Variants in FOXP2 observed in about 807,000 individuals in gnomAD.
The protein encoded by FOXP2 is forkhead box protein P2.
In FOXP2, 12 loss-of-function variants were observed where a neutral mutation model predicts 115.8. That is an observed-to-expected ratio of 0.10 (90% CI 0.07 to 0.17). FOXP2 has a LOEUF of 0.17. Ranked by LOEUF, FOXP2 falls within the 10% of genes least tolerant of loss-of-function variation. The probability of loss-of-function intolerance (pLI) is 1.00; values close to 1 mark genes in which losing one functional copy is unlikely to be tolerated. For synonymous variants in FOXP2, 328 were observed against 297.7 expected, an observed-to-expected ratio of 1.10 and a Z score of -1.05; for missense variants, 629 against 843.5, an observed-to-expected ratio of 0.75 and a Z score of 3.15.
In FOXP2 at chr7:114,654,098, ATGAG is replaced by A. The variant is rs1463749318; in HGVS notation, c.1266+92_1266+95del. 1.1e-5 allele frequency: 17 copies of A among 1,600,536 alleles called. No homozygotes were observed. In the African/African-American group the frequency reaches 2.1e-4, roughly 20 times the overall value. On this transcript the variant is annotated intron_variant, in intron 10 of 16. Coordinates refer to ENST00000350908, the MANE Select transcript of FOXP2 (RefSeq NM_014491.4). The stretch of plus-strand genomic sequence containing the variant: ...ACAATTTAGTGACAGTTAGAAAACA[ATGAG>A]TGTGATGAAAAATACGGCAATAAAA...
chr7:114,433,540 C>T (rs1226510596), intron 2 of FOXP2, among the ~76,000 whole-genome samples: 1 of 151,820 alleles, frequency 6.6e-6, no homozygotes, highest in African/African-American at 2.4e-5. Context: ...TATTGATTCA[C>T]TTCTACAGAT....
At chr7:114,603,182 G>T (rs892049127) in intron 3 of FOXP2, among the ~76,000 whole-genome samples, 5 of 152,148 alleles carry the variant, frequency 3.3e-5, no homozygotes, top group African/African-American at 9.7e-5. Context: ...GGTCATCAAA[G>T]TTGAGGCTCA....
chr7:114,212,558 G>GA (rs571399578), intron 1 of FOXP2, among the ~76,000 whole-genome samples: 323 of 139,638 alleles, frequency 2.3e-3, no homozygotes, highest in Middle Eastern at 3.5e-3. Flanking sequence ...TGCTGAAAAA[G>GA]AAAAAAAAAA....
chr7:114,423,947 C>T (rs1009285977), intron 1 of FOXP2, among the ~76,000 whole-genome samples: 1 of 151,420 alleles, frequency 6.6e-6, no homozygotes, highest in Non-Finnish European at 1.5e-5. Context: ...AGATACTCCT[C>T]TTTTGTAGAG....
chr7:114,619,786 A>T (rs901494959), intron 3 of FOXP2, among the ~76,000 whole-genome samples: 5 of 152,092 alleles, frequency 3.3e-5, no homozygotes, highest in African/African-American at 1.2e-4. Flanking sequence ...AATATGAGTT[A>T]TATTATTATC....
At chr7:114,292,813 A>T (rs754563281) in intron 2 of FOXP2, among the ~76,000 whole-genome samples, 1 of 152,236 alleles carries the variant, frequency 6.6e-6, no homozygotes, top group Admixed American at 6.5e-5. Context: ...AATGTTGCAT[A>T]TAATAGTATC....
At chr7:114,289,793 A>G (rs963210243) in intron 2 of FOXP2, among the ~76,000 whole-genome samples, 1 of 152,006 alleles carries the variant, frequency 6.6e-6, no homozygotes, top group Non-Finnish European at 1.5e-5. Context: ...CACTAACCAC[A>G]TATTGGTGTA....
chr7:114,511,364 A>G (rs77920599), intron 2 of FOXP2, among the ~76,000 whole-genome samples: 12,840 of 152,270 alleles, frequency 0.084, 608 homozygotes, highest in Middle Eastern at 0.16. Context: ...TAATTAAAAA[A>G]CAAAAAGTAT....
chr7:114,693,141 A>G lies in FOXP2; in HGVS notation c.*3215A>G, dbSNP rs764758051. The G allele has an allele frequency of 4.4e-6, 2 of 453,858 alleles. No homozygotes were observed. Among genetic ancestry groups the G allele is most frequent in the South Asian group, 1.6e-5 (1 of 64,442 alleles). The allele number at this position is 453,858 out of a possible 1,614,324, so 28.1% of individuals were successfully genotyped here. Reference sequence around the variant, plus strand: ...GTTGGATTCGTGGCACAGTTGTACTATTTGAAAATCAATTAAAATTTTATG... The same window carrying G: ...GTTGGATTCGTGGCACAGTTGTACTGTTTGAAAATCAATTAAAATTTTATG... On this transcript the variant is annotated 3_prime_UTR_variant, in exon 17 of 17. Transcript: ENST00000350908.
At chr7:114,574,915 T>G (rs566472693) in intron 3 of FOXP2, among the ~76,000 whole-genome samples, 57 of 152,034 alleles carry the variant, frequency 3.7e-4, no homozygotes, top group African/African-American at 1.2e-3. Context: ...TCAAATTAAA[T>G]TACACTGGCC....
intron 1 of FOXP2, among the ~76,000 whole-genome samples, chr7:114,204,075 C>G (rs1180816629): frequency 6.6e-6 from 1 of 151,978 alleles, no homozygotes; most frequent in Non-Finnish European, 1.5e-5. Context: ...GCTTCTTCTT[C>G]TGAGGCATCT....
At chr7:114,353,334 CTTTTTTT>C (rs138925770) in intron 2 of FOXP2, among the ~76,000 whole-genome samples, 16 of 64,124 alleles carry the variant, frequency 2.5e-4, no homozygotes, top group African/African-American at 8.3e-4. Context: ...ATAGGAGCCT[CTTTTTTT>C]TTTTTTTTTT....
In FOXP2 at chr7:114,545,334, A is replaced by G. The variant is rs1025153337; in HGVS notation, c.258+10628A>G. Among the ~76,000 whole-genome samples, 4 of 152,274 alleles carry G rather than the reference A, an allele frequency of 2.6e-5. 1 individual carries two copies. In the South Asian group the frequency reaches 8.3e-4, roughly 32 times the overall value. On this transcript the variant is annotated intron_variant, in intron 3 of 16. Transcript: ENST00000350908. ...GTTTGTTTATATATTTATTGTCTAA[A>G]TCTGAACTAATTAAAAAGGATTCTG... is the stretch of plus-strand genomic sequence containing the variant.
chr7:114,390,522 G>GTATGTATGTATGTATT (rs1554382697), intron 2 of FOXP2, among the ~76,000 whole-genome samples: 45 of 148,366 alleles, frequency 3.0e-4, no homozygotes, highest in African/African-American at 1.1e-3. Context: ...TTTTATTTAT[G>GTATGTATGTATGTATT]TATTTATTTA....
intron 1 of FOXP2, among the ~76,000 whole-genome samples, chr7:114,129,751 G>T (rs1314985512): frequency 6.6e-6 from 1 of 152,162 alleles, no homozygotes; most frequent in East Asian, 1.9e-4. Flanking sequence ...TTGTGTGATT[G>T]CTTTATATAC....
intron 3 of FOXP2, among the ~76,000 whole-genome samples, chr7:114,540,935 A>G (rs1799631848): frequency 6.6e-6 from 1 of 152,082 alleles, no homozygotes; most frequent in Admixed American, 6.6e-5. Context: ...AGAAGTCAGT[A>G]TTTTATAGAT....
chr7:114,165,607 T>G (rs1187553713), intron 1 of FOXP2, among the ~76,000 whole-genome samples: 3 of 152,164 alleles, frequency 2.0e-5, no homozygotes, highest in Non-Finnish European at 4.4e-5. Flanking sequence ...AAAACTCTGA[T>G]GAAAGAAAAT....
chr7:114,643,529 C>G (rs966716245), intron 7 of FOXP2, among the ~76,000 whole-genome samples: 2 of 151,892 alleles, frequency 1.3e-5, no homozygotes, highest in Non-Finnish European at 2.9e-5. Context: ...TTTTTTATTT[C>G]AGTTATTAAT....
chr7:114,207,150 T>C (rs1188927413), intron 1 of FOXP2, among the ~76,000 whole-genome samples: 1 of 152,234 alleles, frequency 6.6e-6, no homozygotes, highest in Non-Finnish European at 1.5e-5. Context: ...TTCATTCCTT[T>C]TTCTGGCCAA....
Sources: allele counts gnomAD v4.1 joint callset (sites outside exome capture counted in the v4.1 genomes callset), GRCh38; gene constraint gnomAD v4.1.1; transcripts MANE v1.5; gene names NCBI Gene and HGNC (gene_info 2026-07-23, HGNC 2026-07-21).